The following KCNMB4 variants were observed in gnomAD, a reference collection of about 807,000 sequenced individuals.
KCNMB4 encodes calcium-activated potassium channel subunit beta-4.
Under a neutral mutation model 20.7 loss-of-function variants are expected in KCNMB4, and 3 were observed. That is an observed-to-expected ratio of 0.14 (90% CI 0.07 to 0.37). The LOEUF is 0.37. Ranked by LOEUF, KCNMB4 falls within the 10% of genes least tolerant of loss-of-function variation. The probability of loss-of-function intolerance (pLI) is 1.00; values close to 1 mark genes in which losing one functional copy is unlikely to be tolerated. For synonymous variants in KCNMB4, 110 were observed against 113.4 expected (o/e 0.97, Z 0.19); for missense variants, 168 against 265.9 (o/e 0.63, Z 2.56).
In KCNMB4 at chr12:70,431,835, C is replaced by T. The variant is rs565878136; in HGVS notation, c.*1182C>T. On this transcript the variant is annotated 3_prime_UTR_variant, in exon 3 of 3. Transcript: ENST00000258111. Reference sequence around the variant, plus strand: ...ACCTTTGTTTAGGTGAGATGTACATCGTTAGTGGAGGAAAAACTGACAACC... The same window carrying T: ...ACCTTTGTTTAGGTGAGATGTACATTGTTAGTGGAGGAAAAACTGACAACC... 1.3e-5 allele frequency: 2 copies of T among 152,180 alleles called. No individual in the cohort carries two copies. Among genetic ancestry groups the T allele is most frequent in the South Asian group, 2.1e-4 (1 of 4,824 alleles). The allele number at this position is 152,180 out of a possible 1,614,324, so 9.4% of individuals were successfully genotyped here.
chr12:70,373,116 G>A (rs547101201), intron 1 of KCNMB4, among the ~76,000 whole-genome samples: 1 of 152,276 alleles, frequency 6.6e-6, no homozygotes, highest in East Asian at 1.9e-4. Flanking sequence ...GAAGACCCAG[G>A]CAGCCAGGAT....
intron 1 of KCNMB4, among the ~76,000 whole-genome samples, chr12:70,380,680 C>T (rs2099373): frequency 0.054 from 8,219 of 150,908 alleles, 384 homozygotes; most frequent in East Asian, 0.16. Context: ...ACATCATGGA[C>T]GGTTGATTTT....
chr12:70,426,832 A>G (rs1490633128), intron 2 of KCNMB4, among the ~76,000 whole-genome samples: 1 of 152,194 alleles, frequency 6.6e-6, no homozygotes, highest in Non-Finnish European at 1.5e-5. Context: ...CATTATTATC[A>G]CCACATATTT....
rs114053811 is a variant in KCNMB4 at position 70,378,271 on chromosome 12, T to C, written c.336+11201T>C. On this transcript the variant is annotated intron_variant, in intron 1 of 2. Transcript: ENST00000258111. ...GCGCCCGGCCTTCAAGCTCTACTTC[T>C]AATTCTAGTTCTTTCCTATTTCTAC... is the stretch of plus-strand genomic sequence containing the variant. 3.5e-3 allele frequency among the ~76,000 whole-genome samples: 528 copies of C among 152,242 alleles called. 2 individuals are homozygous for C. The highest frequency in any genetic ancestry group is 0.011 in the African/African-American group (471 of 41,538).
Position 70,366,743 on chromosome 12 carries a change from G to T in KCNMB4, c.9G>T (p.Lys3Asn). 1 of 1,592,002 alleles carries T rather than the reference G, an allele frequency of 6.3e-7. No individual in the cohort carries two copies. The change falls in exon 1 of 3, where the codon AAG becomes AAT. Residue 3 changes from lysine (K) to asparagine (N), a missense_variant. Coordinates refer to ENST00000258111, the MANE Select transcript of KCNMB4 (RefSeq NM_014505.6). MAKLRVAYEYTEA... is the reference protein window; with the variant it reads MANLRVAYEYTEA... ...GCCGAGAGTGGGGGGCGATGGCGAA[G>T]CTCCGGGTGGCTTACGAGTACACGG...
chr12:70,389,431 C>T (rs1002463408), intron 1 of KCNMB4, among the ~76,000 whole-genome samples: 6 of 152,270 alleles, frequency 3.9e-5, no homozygotes, highest in Middle Eastern at 6.8e-3. Flanking sequence ...TGGTGGCTCA[C>T]GCCTGGGATC....
At position 70,428,980 on chromosome 12, in the gene KCNMB4, T is replaced by G. The variant is rs1869286102; in HGVS notation, c.465-1505T>G. On this transcript the variant is annotated intron_variant, in intron 2 of 2. Coordinates refer to ENST00000258111, the MANE Select transcript of KCNMB4 (RefSeq NM_014505.6). ...ACATCAATAGAAATCTTGTATTATGTGCAAAATTTGAAATTACACTGTGCA... is the reference window on the plus strand; with the variant it reads ...ACATCAATAGAAATCTTGTATTATGGGCAAAATTTGAAATTACACTGTGCA... Among the ~76,000 whole-genome samples the G allele has an allele frequency of 2.0e-5, 3 of 152,232 alleles. No homozygotes were observed. The South Asian group carries it at 6.2e-4, about 31-fold the overall frequency.
chr12:70,424,655 C>T (rs1400164167), intron 2 of KCNMB4, among the ~76,000 whole-genome samples: 1 of 151,600 alleles, frequency 6.6e-6, no homozygotes, highest in African/African-American at 2.4e-5. Flanking sequence ...GAGGCTGAGG[C>T]AGGAGAATCG....
Position 70,379,020 on chromosome 12 carries a change from T to C in KCNMB4, c.336+11950T>C, listed in dbSNP as rs185225324. ...CAGTAGTATTTTGAAAGGAATCTTT[T>C]TTTCTGAACAGTAGGTCTCAACAGT... is the stretch of plus-strand genomic sequence containing the variant. On this transcript the variant is annotated intron_variant, in intron 1 of 2. Coordinates refer to ENST00000258111, the MANE Select transcript of KCNMB4 (RefSeq NM_014505.6). Among the ~76,000 whole-genome samples, 15 of 152,288 alleles carry C rather than the reference T, an allele frequency of 9.8e-5. No homozygotes were observed. The East Asian group carries it at 2.9e-3, about 29-fold the overall frequency.
intron 2 of KCNMB4, among the ~76,000 whole-genome samples, chr12:70,426,696 G>A (rs1255045721): frequency 6.6e-6 from 1 of 152,134 alleles, no homozygotes; most frequent in Non-Finnish European, 1.5e-5. Context: ...TTTTACCTCA[G>A]TTTCTTCCAT....
In KCNMB4 at chr12:70,433,624, C is replaced by G. The variant is rs1380614265; in HGVS notation, c.*2971C>G. The G allele has an allele frequency of 1.3e-5, 2 of 152,244 alleles. No individual in the cohort carries two copies. The highest frequency in any genetic ancestry group is 4.8e-5 in the African/African-American group (2 of 41,460). 9.4% of individuals were successfully genotyped at this position (152,244 alleles called of 1,614,324 possible). A position where few individuals can be genotyped will look rare whatever the true frequency, so the allele number is the denominator to read the frequency against. Reference sequence around the variant, plus strand: ...AAACTCCAGGGAAAGGGTTCTATTACTAAAGCTAAAAAGAGGGGAATGAAT... The same window carrying G: ...AAACTCCAGGGAAAGGGTTCTATTAGTAAAGCTAAAAAGAGGGGAATGAAT... On this transcript the variant is annotated 3_prime_UTR_variant, in exon 3 of 3. Transcript: ENST00000258111.
At chr12:70,387,982 C>A (rs191295378) in intron 1 of KCNMB4, among the ~76,000 whole-genome samples, 1 of 152,156 alleles carries the variant, frequency 6.6e-6, no homozygotes, top group East Asian at 1.9e-4. Context: ...CCCTCCACTA[C>A]CCTTCCTAGC....
chr12:70,373,004 G>C (rs966628175), intron 1 of KCNMB4, among the ~76,000 whole-genome samples: 1 of 152,178 alleles, frequency 6.6e-6, no homozygotes, highest in African/African-American at 2.4e-5. Context: ...TGAGTGTGGG[G>C]TGTGTTGGGG....
At chr12:70,400,372 T>G in intron 2 of KCNMB4, 36 bp downstream of exon 2, 1 of 1,584,328 alleles carries the variant, frequency 6.3e-7, no homozygotes, top group Non-Finnish European at 8.6e-7. Context: ...TTAAAATTGT[T>G]TGTAGACTCT....
At chr12:70,422,889 A>C in intron 2 of KCNMB4, 1 of 1,122,324 alleles carries the variant, frequency 8.9e-7, no homozygotes, top group Non-Finnish European at 1.1e-6. Flanking sequence ...CTCTGGGAGC[A>C]CAGAGTGGCG....
chr12:70,422,205 C>CTTACAT (rs1029483142), intron 2 of KCNMB4, among the ~76,000 whole-genome samples: 2 of 152,164 alleles, frequency 1.3e-5, no homozygotes, highest in Non-Finnish European at 1.5e-5. Context: ...TTTATTTCTG[C>CTTACAT]TTAAACCTTA....
intron 2 of KCNMB4, among the ~76,000 whole-genome samples, chr12:70,421,483 A>C (rs540320331): frequency 4.0e-5 from 6 of 151,536 alleles, no homozygotes; most frequent in South Asian, 4.2e-4. Context: ...AAAAAAAAAA[A>C]AAAAAAAAAA....
At chr12:70,367,128 G>A in intron 1 of KCNMB4, 58 bp downstream of exon 1, 1 of 1,356,932 alleles carries the variant, frequency 7.4e-7, no homozygotes, top group Non-Finnish European at 9.9e-7. Context: ...AGGCAGCGTC[G>A]GTGTTAGACT....
At chr12:70,425,161 G>A (rs959600064) in intron 2 of KCNMB4, among the ~76,000 whole-genome samples, 1 of 152,128 alleles carries the variant, frequency 6.6e-6, no homozygotes, top group African/African-American at 2.4e-5. Flanking sequence ...TTGAGGCCAG[G>A]TGTGGTGGCT....
Sources: gnomAD v4.1 joint callset for allele counts (sites outside exome capture counted in the v4.1 genomes callset) on GRCh38, gnomAD v4.1.1 for gene constraint, MANE v1.5 for transcripts, NCBI Gene and HGNC (gene_info 2026-07-23, HGNC 2026-07-21) for gene names.